The following SLCO1C1 variants were observed in gnomAD, a reference collection of about 807,000 sequenced individuals.
The protein encoded by SLCO1C1 is solute carrier organic anion transporter family member 1C1.
Under a neutral mutation model 76.4 loss-of-function variants are expected in SLCO1C1, and 70 were observed. The ratio of observed to expected loss-of-function variants is 0.92; its 90% confidence interval spans 0.76 to 1.12. The LOEUF is 1.12. SLCO1C1 is among the 50% of genes most tolerant of loss of function. The pLI is 0.00. For missense variants in SLCO1C1, 912 were observed against 823.8 expected (o/e 1.11, Z -1.31); for synonymous variants, 306 against 286.1 (o/e 1.07, Z -0.70).
intron 5 of SLCO1C1, 34 bp downstream of exon 5, chr12:20,711,544 T>G (rs1332999122): frequency 6.2e-7 from 1 of 1,600,310 alleles, no homozygotes; most frequent in Admixed American, 1.7e-5. Flanking sequence ...CTAAACAAGC[T>G]TTTAAAAAAA....
intron 9 of SLCO1C1, among the ~76,000 whole-genome samples, chr12:20,730,267 T>G (rs1948209081): frequency 6.6e-6 from 1 of 152,162 alleles, no homozygotes; most frequent in African/African-American, 2.4e-5. Flanking sequence ...GTGGAAGGCA[T>G]TCATAGTCAG....
rs533982039 is a variant in SLCO1C1 at position 20,726,398 on chromosome 12, T to C, written c.1186+3144T>C. On this transcript the variant is annotated intron_variant, in intron 9 of 14. Transcript: ENST00000266509. ...GTAAATAAACAGAAATTTCCCGACA[T>C]GTTCAAGGGCCAACTGTTACAACGA... Among the ~76,000 whole-genome samples, 7 of 152,200 alleles carry C rather than the reference T, an allele frequency of 4.6e-5. No homozygotes were observed. In the East Asian group the frequency reaches 1.4e-3, roughly 29 times the overall value.
chr12:20,726,330 C>T (rs117374886), intron 9 of SLCO1C1, among the ~76,000 whole-genome samples: 4,794 of 151,650 alleles, frequency 0.032, 115 homozygotes, highest in Non-Finnish European at 0.046. Context: ...AAGCACATTT[C>T]CTTTGCTTCT....
chr12:20,696,317 T>C (rs141846237), intron 1 of SLCO1C1, among the ~76,000 whole-genome samples: 28 of 152,190 alleles, frequency 1.8e-4, no homozygotes, highest in Admixed American at 1.6e-3. Flanking sequence ...ACAGAGGTTT[T>C]CCTCACAGGA....
intron 6 of SLCO1C1, 118 bp from the exon 7 acceptor site, chr12:20,717,014 T>C: frequency 1.2e-6 from 1 of 814,638 alleles, no homozygotes; most frequent in Non-Finnish European, 1.9e-6. Flanking sequence ...CACATGCAAA[T>C]GAGTTAAAAC....
At chr12:20,725,189 AATT>A (rs1271392395) in intron 9 of SLCO1C1, among the ~76,000 whole-genome samples, 95 of 136,964 alleles carry the variant, frequency 6.9e-4, no homozygotes, top group Non-Finnish European at 1.3e-3. Flanking sequence ...TAAATCATAT[AATT>A]ATTTATAATA....
intron 10 of SLCO1C1, 47 bp downstream of exon 10, chr12:20,733,151 A>G (rs779183620): frequency 1.3e-5 from 19 of 1,464,722 alleles, no homozygotes; most frequent in Non-Finnish European, 1.7e-5. Flanking sequence ...TTGTTTAATT[A>G]AATCAATTAT....
intron 1 of SLCO1C1, among the ~76,000 whole-genome samples, chr12:20,698,265 C>G (rs1231742372): frequency 1.5e-4 from 22 of 150,916 alleles, no homozygotes; most frequent in Non-Finnish European, 4.4e-5. Flanking sequence ...AAATTTTTCT[C>G]TTTCACTCAC....
chr12:20,707,771 T>A (rs1946853217), intron 4 of SLCO1C1, among the ~76,000 whole-genome samples: 1 of 152,116 alleles, frequency 6.6e-6, no homozygotes, highest in African/African-American at 2.4e-5. Context: ...ATGAATAATT[T>A]TATTACTTTA....
chr12:20,726,181 G>A (rs927753836), intron 9 of SLCO1C1, among the ~76,000 whole-genome samples: 4 of 151,772 alleles, frequency 2.6e-5, no homozygotes, highest in African/African-American at 9.7e-5. Context: ...TAGTAAATGC[G>A]TATATCTGTC....
intron 6 of SLCO1C1, among the ~76,000 whole-genome samples, chr12:20,716,166 G>C (rs558421877): frequency 2.8e-4 from 42 of 152,288 alleles, no homozygotes; most frequent in Middle Eastern, 6.8e-3. Flanking sequence ...AGGACTCCAG[G>C]GGGTGCTGGT....
Position 20,706,663 on chromosome 12 carries a change from T to A in SLCO1C1, c.404+582T>A, listed in dbSNP as rs1028802203. Among the ~76,000 whole-genome samples the A allele has an allele frequency of 5.9e-5, 9 of 152,162 alleles. 1 individual carries two copies. Among genetic ancestry groups the A allele is most frequent in the Admixed American group, 5.9e-4 (9 of 15,274 alleles). On this transcript the variant is annotated intron_variant, in intron 4 of 14. Coordinates refer to ENST00000266509, the MANE Select transcript of SLCO1C1 (RefSeq NM_017435.5). ...TGTCATTTTTACCCTTATAGCAACC[T>A]GTGGGGTAGAAGAACATAGTTTATC...
At chr12:20,736,067 G>A (rs1457337728) in intron 10 of SLCO1C1, among the ~76,000 whole-genome samples, 16 of 151,990 alleles carry the variant, frequency 1.1e-4, no homozygotes, top group Admixed American at 1.0e-3. Flanking sequence ...AGTATGGAGG[G>A]CCAATGAATG....
intron 7 of SLCO1C1, 126 bp from the exon 8 acceptor site, chr12:20,721,678 A>G (rs1312612873): frequency 1.9e-5 from 23 of 1,194,020 alleles, no homozygotes; most frequent in East Asian, 2.6e-5. Context: ...AAAAAAAAAT[A>G]GCATAGATGA....
Position 20,711,441 on chromosome 12 carries a change from T to C in SLCO1C1, c.460T>C (p.Cys154Arg). The part of the protein sequence containing the change: ...SSNSTLSISP[C>R]LLESSSQLPV... ...CAATTCCACTCTCAGCATCTCTCCG[T>C]GTCTCCTAGAGTCAAGCAGTCAATT... The change falls in exon 5 of 15, where the codon TGT becomes CGT. Residue 154 changes from cysteine (C) to arginine (R), a missense_variant. By Grantham distance (180) the Cys-to-Arg change is radical. Transcript: ENST00000266509. 1.2e-6 allele frequency: 2 copies of C among 1,613,942 alleles called. No homozygotes were observed. The highest frequency in any genetic ancestry group is 1.7e-6 in the Non-Finnish European group (2 of 1,179,878).
At chr12:20,716,272 C>A (rs777791331) in intron 6 of SLCO1C1, among the ~76,000 whole-genome samples, 3 of 152,156 alleles carry the variant, frequency 2.0e-5, no homozygotes, top group Non-Finnish European at 4.4e-5. Context: ...CACTTCATCA[C>A]CTGCACTAGG....
chr12:20,701,559 C>T (rs370854520), intron 3 of SLCO1C1, 100 bp downstream of exon 3: 2 of 700,524 alleles, frequency 2.9e-6, no homozygotes, highest in South Asian at 4.7e-5. Flanking sequence ...GGATCAGACT[C>T]TATTCATAAA....
At chr12:20,704,501 A>G (rs1946683650) in intron 3 of SLCO1C1, among the ~76,000 whole-genome samples, 3 of 151,840 alleles carry the variant, frequency 2.0e-5, no homozygotes, top group Admixed American at 2.0e-4. Context: ...CTTCTACTAA[A>G]TACTTAAATT....
chr12:20,720,934 T>C (rs1592266909), intron 7 of SLCO1C1, among the ~76,000 whole-genome samples: 1 of 146,032 alleles, frequency 6.8e-6, no homozygotes, highest in Non-Finnish European at 1.5e-5. Flanking sequence ...GAGGCGGAGG[T>C]TGTGGTGGGC....
Sources: allele counts gnomAD v4.1 joint callset (sites outside exome capture counted in the v4.1 genomes callset), GRCh38; gene constraint gnomAD v4.1.1; transcripts MANE v1.5; gene names NCBI Gene and HGNC (gene_info 2026-07-23, HGNC 2026-07-21).